Variants in MBNL2 observed in about 807,000 individuals in gnomAD.
MBNL2 encodes muscleblind like splicing regulator 2, also known as muscleblind-like protein 2.
In MBNL2, 17 loss-of-function variants were observed where a neutral mutation model predicts 41.9. The ratio of observed to expected loss-of-function variants is 0.41; its 90% CI spans 0.28 to 0.61. The LOEUF (loss-of-function observed/expected upper bound fraction) is 0.61, where lower values mean the gene tolerates loss of function less well. Among genes scored for constraint, MBNL2 ranks in the 20% least tolerant of loss-of-function variants. MBNL2 has a pLI of 0.35. For missense variants in MBNL2, 336 were observed against 505.6 expected (o/e 0.66, Z 3.22); for synonymous variants, 195 against 182.9 (o/e 1.07, Z -0.53).
At chr13:97,356,766 C>G in intron 5 of MBNL2, 30 bp from the exon 6 acceptor site, 1 of 1,347,440 alleles carries the variant, frequency 7.4e-7, no homozygotes, top group Admixed American at 1.9e-5. Flanking sequence ...GGCCCACTGC[C>G]ATCATGTGCT....
At chr13:97,386,993 C>T (rs893909850) in intron 8 of MBNL2, among the ~76,000 whole-genome samples, 7 of 151,868 alleles carry the variant, frequency 4.6e-5, no homozygotes, top group Admixed American at 4.6e-4. Context: ...ATCACAGATA[C>T]TGTGGGCATC....
At chr13:97,321,720 G>A (rs1329647885) in intron 2 of MBNL2, among the ~76,000 whole-genome samples, 1 of 152,154 alleles carries the variant, frequency 6.6e-6, no homozygotes, top group Non-Finnish European at 1.5e-5. Context: ...GACAGGGTGT[G>A]AAGAATGCTT....
intron 4 of MBNL2, 44 bp downstream of exon 4, chr13:97,343,260 A>G: frequency 7.2e-7 from 1 of 1,381,908 alleles, no homozygotes; most frequent in Non-Finnish European, 1.0e-6. Flanking sequence ...TTGTGGTAGA[A>G]ATATACTTCT....
intron 5 of MBNL2, among the ~76,000 whole-genome samples, chr13:97,355,164 T>G (rs1042174146): frequency 2.0e-5 from 3 of 152,172 alleles, no homozygotes; most frequent in African/African-American, 7.2e-5. Flanking sequence ...CAATTGTACT[T>G]TCACAACATT....
chr13:97,358,022 C>A (rs772756308), intron 7 of MBNL2, among the ~76,000 whole-genome samples: 5 of 151,926 alleles, frequency 3.3e-5, no homozygotes, highest in Non-Finnish European at 7.4e-5. Context: ...CCATTTTTTT[C>A]TATTTCTATT....
At chr13:97,266,331 T>C (rs977746289) in intron 1 of MBNL2, among the ~76,000 whole-genome samples, 2 of 152,272 alleles carry the variant, frequency 1.3e-5, no homozygotes, top group African/African-American at 4.8e-5. Context: ...GAAATCTCTT[T>C]TGCTACCTGC....
intron 3 of MBNL2, among the ~76,000 whole-genome samples, chr13:97,340,296 C>A (rs1436588805): frequency 1.3e-5 from 2 of 152,224 alleles, no homozygotes; most frequent in African/African-American, 4.8e-5. Flanking sequence ...CCAACTGCGT[C>A]TGTCTTCGTA....
At chr13:97,311,946 AT>A (rs1209156479) in intron 2 of MBNL2, among the ~76,000 whole-genome samples, 2 of 151,950 alleles carry the variant, frequency 1.3e-5, no homozygotes, top group Non-Finnish European at 2.9e-5. Context: ...TCTTGATCTT[AT>A]TTTTTCTTTG....
At chr13:97,329,791 CATAT>C (rs2060270260) in intron 2 of MBNL2, among the ~76,000 whole-genome samples, 2 of 69,424 alleles carry the variant, frequency 2.9e-5, no homozygotes, top group Admixed American at 3.1e-4. Context: ...ACACACAATA[CATAT>C]AATACATACA....
the MBNL2 span, among the ~76,000 whole-genome samples, chr13:97,165,617 A>C: frequency 6.6e-6 from 1 of 152,234 alleles, no homozygotes; most frequent in Non-Finnish European, 1.5e-5. Context: ...TTAATAATGC[A>C]AATTATGAAA....
At chr13:97,340,995 C>G (rs1348777214) in intron 3 of MBNL2, among the ~76,000 whole-genome samples, 1 of 152,146 alleles carries the variant, frequency 6.6e-6, no homozygotes, top group African/African-American at 2.4e-5. Context: ...GATCTAGCAT[C>G]AAATGATCTG....
At chr13:97,196,037 C>T in the MBNL2 span, among the ~76,000 whole-genome samples, 1 of 152,180 alleles carries the variant, frequency 6.6e-6, no homozygotes, top group African/African-American at 2.4e-5. Flanking sequence ...CAACCTTAAT[C>T]TTACCCTTGC....
chr13:97,360,993 T>C (rs1257117212), intron 7 of MBNL2, among the ~76,000 whole-genome samples: 1 of 152,246 alleles, frequency 6.6e-6, no homozygotes, highest in Non-Finnish European at 1.5e-5. Context: ...TGTATCTGCA[T>C]AAGCACAACA....
At position 97,356,818 on chromosome 13, in the gene MBNL2, T is replaced by C. The variant is rs761760793; in HGVS notation, c.827T>C (p.Met276Thr). 1 of 1,363,862 alleles carries C rather than the reference T, an allele frequency of 7.3e-7. No homozygotes were observed. Among genetic ancestry groups the C allele is most frequent in the Admixed American group, 1.9e-5 (1 of 52,454 alleles). The allele number at this position is 1,363,862 out of a possible 1,614,324, so 84.5% of individuals were successfully genotyped here. Residue 276 changes from methionine to threonine, a missense_variant, in exon 6 of 9, where the codon ATG (methionine) becomes ACG (threonine). Physicochemically the swap from Met to Thr is moderately conservative, Grantham distance 81. Transcript: ENST00000679496. Reference sequence around the variant, plus strand: ...AAGACTCAGTCGACTGCCAAAGCAATGAAGCGACCTCTCGAAGCAACTGTA... The same window carrying C: ...AAGACTCAGTCGACTGCCAAAGCAACGAAGCGACCTCTCGAAGCAACTGTA... ...TVMTQSTAKAMKRPLEATVDL... is the reference protein window; with the variant it reads ...TVMTQSTAKATKRPLEATVDL...
chr13:97,231,747 T>C (rs1382778613), intron 1 of MBNL2, among the ~76,000 whole-genome samples: 1 of 152,046 alleles, frequency 6.6e-6, no homozygotes, highest in Non-Finnish European at 1.5e-5. Flanking sequence ...CCCCAAGAGA[T>C]TTGGTTACTG....
chr13:97,189,408 T>C, the MBNL2 span, among the ~76,000 whole-genome samples: 1 of 152,096 alleles, frequency 6.6e-6, no homozygotes, highest in Non-Finnish European at 1.5e-5. Flanking sequence ...TAGTTCAAGG[T>C]AGATGGAGTA....
the MBNL2 span, among the ~76,000 whole-genome samples, chr13:97,186,551 T>C: frequency 2.0e-5 from 3 of 152,208 alleles, no homozygotes; most frequent in Admixed American, 1.3e-4. Flanking sequence ...TTATACATTA[T>C]ATATTCATAA....
chr13:97,256,475 C>T (rs990391101), intron 1 of MBNL2, among the ~76,000 whole-genome samples: 3 of 151,884 alleles, frequency 2.0e-5, no homozygotes, highest in Non-Finnish European at 2.9e-5. Context: ...CATAGTCAGA[C>T]GTAATAAATA....
chr13:97,369,331 A>G (rs549935877), intron 8 of MBNL2, among the ~76,000 whole-genome samples: 29 of 152,320 alleles, frequency 1.9e-4, no homozygotes, highest in Middle Eastern at 3.4e-3. Flanking sequence ...TGAAAGGAGG[A>G]GTAGAACTAG....
Sources: gnomAD v4.1 joint callset for allele counts (sites outside exome capture counted in the v4.1 genomes callset) on GRCh38, gnomAD v4.1.1 for gene constraint, MANE v1.5 for transcripts, NCBI Gene and HGNC (gene_info 2026-07-23, HGNC 2026-07-21) for gene names.